CPEB1: variants seen among roughly 807,000 people sequenced by gnomAD.
The protein encoded by CPEB1 is cytoplasmic polyadenylation element-binding protein 1.
A neutral mutation model predicts 65.8 loss-of-function variants in CPEB1; 7 were observed. That is an observed-to-expected ratio of 0.11 (90% CI 0.06 to 0.20). The LOEUF is 0.20. Ranked by LOEUF, CPEB1 falls within the 10% of genes least tolerant of loss-of-function variation. The pLI, the probability that CPEB1 is intolerant of heterozygous loss-of-function variation, is 1.00. For missense variants in CPEB1, 551 were observed against 712.2 expected, an observed-to-expected ratio of 0.77 and a Z score of 2.58; for synonymous variants, 262 against 260.0, an observed-to-expected ratio of 1.01 and a Z score of -0.08.
At chr15:82,612,458 T>C (rs1016995691) in intron 3 of CPEB1, among the ~76,000 whole-genome samples, 29 of 147,222 alleles carry the variant, frequency 2.0e-4, no homozygotes, top group Admixed American at 1.4e-4. Context: ...GATCACACTA[T>C]TGCATTCCAG....
intron 3 of CPEB1, among the ~76,000 whole-genome samples, chr15:82,579,735 A>AC (rs1291076847): frequency 6.7e-6 from 1 of 150,154 alleles, no homozygotes; most frequent in Non-Finnish European, 1.5e-5. Flanking sequence ...ACAAGGTGAA[A>AC]CCCCGTCTCT....
intron 3 of CPEB1, among the ~76,000 whole-genome samples, chr15:82,608,606 A>T (rs558597223): frequency 6.6e-6 from 1 of 152,226 alleles, no homozygotes; most frequent in Non-Finnish European, 1.5e-5. Flanking sequence ...GTTTTTAAAC[A>T]AATACTCCCC....
At chr15:82,632,849 G>A (rs191691505) in intron 1 of CPEB1, among the ~76,000 whole-genome samples, 112 of 151,990 alleles carry the variant, frequency 7.4e-4, no homozygotes, top group African/African-American at 2.2e-3. Context: ...CTTTTAAACC[G>A]TCCAGTTATA....
chr15:82,553,706 G>A (rs936952357), intron 7 of CPEB1, 150 bp from the exon 8 acceptor site: 13 of 768,914 alleles, frequency 1.7e-5, no homozygotes, highest in Non-Finnish European at 2.7e-5. Flanking sequence ...GTAAGCTCCC[G>A]ACATAAGGAG....
chr15:82,642,709 G>A (rs2047207679), intron 1 of CPEB1, among the ~76,000 whole-genome samples: 1 of 152,108 alleles, frequency 6.6e-6, no homozygotes, highest in South Asian at 2.1e-4. Flanking sequence ...TAGCCTCAGG[G>A]GCTTTCTGGC....
At chr15:82,567,271 G>A (rs1430143033) in intron 4 of CPEB1, among the ~76,000 whole-genome samples, 1 of 152,144 alleles carries the variant, frequency 6.6e-6, no homozygotes, top group Admixed American at 6.5e-5. Flanking sequence ...GATGTAGCCT[G>A]CAGATCAATG....
chr15:82,647,963 C>T, upstream of CPEB1: 4 of 1,008,962 alleles, frequency 4.0e-6, no homozygotes, highest in East Asian at 3.4e-5. Flanking sequence ...TTGCAGCGGG[C>T]CGCGCGCAGC....
chr15:82,586,795 G>C (rs572733239), intron 3 of CPEB1, among the ~76,000 whole-genome samples: 1 of 152,320 alleles, frequency 6.6e-6, no homozygotes, highest in South Asian at 2.1e-4. Context: ...TTGCACAGGT[G>C]TGAATTCAAG....
At chr15:82,604,724 T>C (rs2043409777) in intron 3 of CPEB1, among the ~76,000 whole-genome samples, 1 of 152,104 alleles carries the variant, frequency 6.6e-6, no homozygotes, top group East Asian at 1.9e-4. Flanking sequence ...ACATGGAGAT[T>C]ATCCAGTCTG....
intron 3 of CPEB1, among the ~76,000 whole-genome samples, chr15:82,614,226 A>T (rs2044470241): frequency 6.6e-6 from 1 of 152,102 alleles, no homozygotes; most frequent in Non-Finnish European, 1.5e-5. Flanking sequence ...TGAAGCCTCG[A>T]ACTCCTGGGC....
At chr15:82,605,708 A>C (rs2043519106) in intron 3 of CPEB1, among the ~76,000 whole-genome samples, 1 of 152,178 alleles carries the variant, frequency 6.6e-6, no homozygotes. Flanking sequence ...AGCTAAAGTT[A>C]ATTATAAATC....
intron 3 of CPEB1, among the ~76,000 whole-genome samples, chr15:82,622,426 G>C (rs993122312): frequency 2.0e-5 from 3 of 152,082 alleles, no homozygotes; most frequent in Non-Finnish European, 4.4e-5. Context: ...TCTCTCTCCA[G>C]AGTCGCACTC....
At chr15:82,580,273 A>C (rs1299947435) in intron 3 of CPEB1, among the ~76,000 whole-genome samples, 1 of 151,274 alleles carries the variant, frequency 6.6e-6, no homozygotes, top group Non-Finnish European at 1.5e-5. Context: ...GTGAGCTGAG[A>C]TCATGCCACT....
chr15:82,546,994 C>T, intron 11 of CPEB1, 149 bp downstream of exon 11: 1 of 599,624 alleles, frequency 1.7e-6, no homozygotes, highest in South Asian at 2.2e-5. Flanking sequence ...CTCCCAAACC[C>T]TAACCTCAAT....
Position 82,577,825 on chromosome 15 carries a change from A to G in CPEB1, c.272-6293T>C, listed in dbSNP as rs1596054835. ...GGTGTGAGCCACTGCATTCAGCCTC[A>G]TCTGAAAAATATAGCATTGATAAAG... On this transcript the variant is annotated intron_variant, in intron 3 of 12. Transcript: ENST00000684509. Among the ~76,000 whole-genome samples, 3 of 152,164 alleles carry G rather than the reference A, an allele frequency of 2.0e-5. No homozygotes were observed. The South Asian group carries it at 6.2e-4, about 32-fold the overall frequency.
chr15:82,646,364 A>C (rs1015514682), intron 1 of CPEB1, among the ~76,000 whole-genome samples: 14 of 152,086 alleles, frequency 9.2e-5, no homozygotes, highest in Non-Finnish European at 1.5e-4. Context: ...GCCAGGAGAG[A>C]GCGCGGGGAG....
At chr15:82,577,826 T>C (rs1264332748) in intron 3 of CPEB1, among the ~76,000 whole-genome samples, 48 of 151,860 alleles carry the variant, frequency 3.2e-4, no homozygotes, top group Admixed American at 3.1e-3. Context: ...TTCAGCCTCA[T>C]CTGAAAAATA....
At chr15:82,584,283 A>AG (rs2041571003) in intron 3 of CPEB1, among the ~76,000 whole-genome samples, 1 of 142,714 alleles carries the variant, frequency 7.0e-6, no homozygotes, top group Non-Finnish European at 1.5e-5. Context: ...AAAAAAAAAA[A>AG]GCTACGTTTC....
chr15:82,603,361 T>C (rs1267506520), intron 3 of CPEB1, among the ~76,000 whole-genome samples: 1 of 138,168 alleles, frequency 7.2e-6, no homozygotes, highest in African/African-American at 2.5e-5. Flanking sequence ...GAAAGTTTAT[T>C]TAAAAAAAAA....
Sources: gnomAD v4.1 joint callset for allele counts (sites outside exome capture counted in the v4.1 genomes callset) on GRCh38, gnomAD v4.1.1 for gene constraint, MANE v1.5 for transcripts, NCBI Gene and HGNC (gene_info 2026-07-23, HGNC 2026-07-21) for gene names.